Variants in HDAC9 observed in about 807,000 individuals in gnomAD.
HDAC9 encodes the protein histone deacetylase 9.
A neutral mutation model predicts 139.4 loss-of-function variants in HDAC9; 41 were observed. The observed-to-expected ratio is 0.29, with a 90% CI of 0.23 to 0.38. The LOEUF (loss-of-function observed/expected upper bound fraction) is 0.38. Ranked by LOEUF, HDAC9 falls within the 10% of genes least tolerant of loss-of-function variation. The pLI is 1.00. For missense variants in HDAC9, 1,147 were observed against 1,297.0 expected (o/e 0.88, Z 1.78); for synonymous variants, 517 against 476.2 (o/e 1.09, Z -1.12).
chr7:18,253,581 C>G (rs943046704), intron 2 of HDAC9, among the ~76,000 whole-genome samples: 2 of 152,068 alleles, frequency 1.3e-5, no homozygotes. Context: ...ATGTCCTTTG[C>G]CCATGTTTTA....
At chr7:18,645,327 G>A (rs944622961) in intron 9 of HDAC9, among the ~76,000 whole-genome samples, 5 of 152,138 alleles carry the variant, frequency 3.3e-5, no homozygotes, top group Non-Finnish European at 5.9e-5. Context: ...TATGTATCTG[G>A]AAAAACTCTC....
At chr7:18,668,008 G>T in intron 12 of HDAC9, 1 of 975,052 alleles carries the variant, frequency 1.0e-6, no homozygotes. Context: ...TCAAGGTGTA[G>T]TATCCTATTT....
chr7:18,913,891 A>T (rs887188228), intron 22 of HDAC9, among the ~76,000 whole-genome samples: 7 of 152,072 alleles, frequency 4.6e-5, no homozygotes, highest in Admixed American at 3.9e-4. Flanking sequence ...GTAAATATTT[A>T]AAAAGTAGCT....
intron 1 of HDAC9, among the ~76,000 whole-genome samples, chr7:18,337,777 G>T (rs1781691061): frequency 1.3e-5 from 2 of 151,740 alleles, no homozygotes; most frequent in Admixed American, 6.6e-5. Flanking sequence ...CAAAAAAGAT[G>T]GTGCATATTT....
intron 12 of HDAC9, among the ~76,000 whole-genome samples, chr7:18,712,158 T>G (rs1235611563): frequency 6.6e-6 from 1 of 152,160 alleles, no homozygotes; most frequent in Non-Finnish European, 1.5e-5. Context: ...TTCCTTAAAT[T>G]TAAATATAAT....
intron 25 of HDAC9, 52 bp downstream of exon 25, chr7:18,976,005 C>A: frequency 1.3e-6 from 2 of 1,560,516 alleles, no homozygotes; most frequent in Non-Finnish European, 1.7e-6. Context: ...CCAGGCTCAT[C>A]GTTGATATTT....
At chr7:18,873,778 G>A (rs1230311266) in intron 21 of HDAC9, among the ~76,000 whole-genome samples, 1 of 152,050 alleles carries the variant, frequency 6.6e-6, no homozygotes, top group Non-Finnish European at 1.5e-5. Context: ...CTTTCTCAAA[G>A]CTAGCAATGA....
Position 18,130,501 on chromosome 7 carries a change from A to G in HDAC9, c.-96-31728A>G, listed in dbSNP as rs553103023. Among the ~76,000 whole-genome samples, 15 of 152,178 alleles carry G rather than the reference A, an allele frequency of 9.9e-5. No homozygotes were observed. In the South Asian group the frequency reaches 3.1e-3, roughly 32 times the overall value. On this transcript the variant is annotated intron_variant, in intron 1 of 12. Transcript: ENST00000417496. ...TCCTCATATGCCTCCTTTCTTGGTA[A>G]CAGCTTTATTGAGATATAATTTACA...
intron 1 of HDAC9, among the ~76,000 whole-genome samples, chr7:18,305,931 G>C (rs1007023238): frequency 3.9e-5 from 6 of 152,116 alleles, no homozygotes; most frequent in African/African-American, 1.4e-4. Flanking sequence ...GCCAAGATGA[G>C]TGAGCTAGAA....
chr7:18,408,269 TA>T, intron 1 of HDAC9, among the ~76,000 whole-genome samples: 1 of 152,282 alleles, frequency 6.6e-6, no homozygotes, highest in East Asian at 1.9e-4. Flanking sequence ...TTTAAAAAAT[TA>T]TTGTTTCTAC....
chr7:18,936,023 C>T (rs1008045312), intron 23 of HDAC9, 81 bp downstream of exon 23: 6 of 1,366,986 alleles, frequency 4.4e-6, no homozygotes, highest in South Asian at 1.4e-5. Flanking sequence ...AAAAAAAATT[C>T]TGCATACTCA....
chr7:18,932,768 A>C (rs1804860520), intron 22 of HDAC9, among the ~76,000 whole-genome samples: 2 of 151,924 alleles, frequency 1.3e-5, no homozygotes, highest in Non-Finnish European at 2.9e-5. Flanking sequence ...TCAGAGAAAG[A>C]GAGAGAAAGA....
Position 18,591,502 on chromosome 7 carries a change from TG to T in HDAC9, c.416-13del, listed in dbSNP as rs746484971. ...GTGTGTGTGTGTGTGTGTGTGTGTG[TG>T]TGTGTATTTCAGGGGCAGTGGCAAG... On this transcript the variant is annotated splice_polypyrimidine_tract_variant and intron_variant, in intron 4 of 25. Transcript: ENST00000686413. The T allele has an allele frequency of 1.9e-6, 3 of 1,559,548 alleles. No homozygotes were observed. The highest frequency in any genetic ancestry group is 2.4e-5 in the East Asian group (1 of 41,840).
rs993146628 is a variant in HDAC9 at position 18,667,128 on chromosome 7, G to T, written c.1731+652G>T. The T allele has an allele frequency of 4.6e-5, 45 of 985,006 alleles. No individual in the cohort carries two copies. In the African/African-American group the frequency reaches 7.7e-4, roughly 17 times the overall value. 61.0% of individuals were successfully genotyped at this position (985,006 alleles called of 1,614,324 possible). A position where few individuals can be genotyped will look rare whatever the true frequency, so the allele number is the denominator to read the frequency against. On this transcript the variant is annotated intron_variant, in intron 12 of 25. Coordinates refer to ENST00000686413, the MANE Select transcript of HDAC9 (RefSeq NM_178425.4). ...GGTTTTAAATATATAGATGCAAATT[G>T]CAGCACTACTTTAAATATTAGATTA... is the stretch of plus-strand genomic sequence containing the variant.
intron 16 of HDAC9, among the ~76,000 whole-genome samples, chr7:18,786,241 T>C (rs1791702833): frequency 6.6e-6 from 1 of 152,110 alleles, no homozygotes; most frequent in African/African-American, 2.4e-5. Context: ...ATGTTATTCT[T>C]CTTTTAAATG....
chr7:18,788,742 G>A (rs1285443532), intron 16 of HDAC9, among the ~76,000 whole-genome samples: 4 of 133,110 alleles, frequency 3.0e-5, no homozygotes, highest in Admixed American at 7.9e-5. Flanking sequence ...ATGACAGAGC[G>A]AGACTCTGTT....
chr7:18,274,042 T>G (rs1005798001), intron 2 of HDAC9, among the ~76,000 whole-genome samples: 2 of 152,186 alleles, frequency 1.3e-5, no homozygotes, highest in African/African-American at 2.4e-5. Context: ...AAGTTTCATA[T>G]TTTATAAGGA....
intron 6 of HDAC9, among the ~76,000 whole-genome samples, chr7:18,619,225 A>AT (rs1463590111): frequency 6.6e-6 from 1 of 152,168 alleles, no homozygotes; most frequent in Non-Finnish European, 1.5e-5. Context: ...CATCTGATCT[A>AT]TGAGACCTCT....
intron 2 of HDAC9, among the ~76,000 whole-genome samples, chr7:18,207,312 A>T (rs1016331842): frequency 6.6e-6 from 1 of 152,262 alleles, no homozygotes; most frequent in African/African-American, 2.4e-5. Context: ...AAGGTGCATT[A>T]TCTGGAAAAG....
Sources: gnomAD v4.1 joint callset for allele counts (sites outside exome capture counted in the v4.1 genomes callset) on GRCh38, gnomAD v4.1.1 for gene constraint, MANE v1.5 for transcripts, NCBI Gene and HGNC (gene_info 2026-07-23, HGNC 2026-07-21) for gene names.